Variants in CYP2U1 observed in about 807,000 individuals in gnomAD.
CYP2U1 encodes cytochrome P450 2U1.
CYP2U1 carries 28 observed loss-of-function variants against 42.8 expected under a neutral mutation model. The ratio of observed to expected loss-of-function variants is 0.65; its 90% CI spans 0.48 to 0.90. CYP2U1 has a LOEUF of 0.90. Among genes scored for constraint, CYP2U1 ranks in the 40% least tolerant of loss-of-function variants. CYP2U1 has a pLI of 0.00. For synonymous variants in CYP2U1, 296 were observed against 278.9 expected (o/e 1.06, Z -0.61); for missense variants, 642 against 693.8 (o/e 0.93, Z 0.84).
chr4:107,932,716 C>G (rs761112769), intron 1 of CYP2U1, among the ~76,000 whole-genome samples: 4 of 152,188 alleles, frequency 2.6e-5, no homozygotes, highest in African/African-American at 9.7e-5. Flanking sequence ...AATAAAATGT[C>G]CAATCTAACC....
chr4:107,936,252 G>A (rs1733261643), intron 1 of CYP2U1: 1 of 152,210 alleles, frequency 6.6e-6, no homozygotes, highest in Admixed American at 6.5e-5. Context: ...ACTCTTAAGT[G>A]TGCTGATATG....
chr4:107,950,206 GT>G, intron 4 of CYP2U1, 38 bp from the exon 5 acceptor site: 1 of 1,540,636 alleles, frequency 6.5e-7, no homozygotes, highest in Non-Finnish European at 8.8e-7. Context: ...AGAAGGGATG[GT>G]ATTATAATCC....
At chr4:107,937,573 A>G (rs1194677480) in intron 1 of CYP2U1, 1 of 151,718 alleles carries the variant, frequency 6.6e-6, no homozygotes, top group Non-Finnish European at 1.5e-5. Context: ...CAGTTGCAAA[A>G]TCTCAGCTCA....
chr4:107,941,001 G>C (rs1031386410), intron 1 of CYP2U1: 3 of 151,508 alleles, frequency 2.0e-5, no homozygotes, highest in African/African-American at 4.9e-5. Context: ...CCAACATAAG[G>C]GTACAGAAAA....
chr4:107,931,691 G>T lies in CYP2U1; in HGVS notation c.48G>T (p.Trp16Cys). ...AGCCGCCGGCCGAGGACCCGCCCTG[G>T]CCCGCGCGCCTCCTGCGTGCGCCTC... ...PSQPPAEDPP[W>C]PARLLRAPLG... Residue 16 changes from tryptophan (W) to cysteine (C), a missense_variant, in exon 1 of 5, where the codon TGG becomes TGT. Coordinates refer to ENST00000332884, the MANE Select transcript of CYP2U1 (RefSeq NM_183075.3). 7.5e-7 allele frequency: 1 copy of T among 1,338,424 alleles called. No homozygotes were observed. Among genetic ancestry groups the T allele is most frequent in the Non-Finnish European group, 9.5e-7 (1 of 1,053,968 alleles). The allele number at this position is 1,338,424 out of a possible 1,614,324, so 82.9% of individuals were successfully genotyped here. A position where few individuals can be genotyped will look rare whatever the true frequency, so the allele number is the denominator to read the frequency against.
chr4:107,949,908 T>C (rs906795364), intron 4 of CYP2U1, among the ~76,000 whole-genome samples: 1 of 152,152 alleles, frequency 6.6e-6, no homozygotes, highest in South Asian at 2.1e-4. Context: ...GGGATTCTTA[T>C]CTGAATTTTT....
chr4:107,948,747 A>G (rs990851520), intron 3 of CYP2U1, among the ~76,000 whole-genome samples: 2 of 152,196 alleles, frequency 1.3e-5, no homozygotes, highest in Non-Finnish European at 2.9e-5. Context: ...GAGTCAGCCC[A>G]TAGTATAATG....
chr4:107,931,751 G>A lies in CYP2U1; in HGVS notation c.108G>A (p.Ala36=). The A allele has an allele frequency of 1.4e-6, 2 of 1,429,634 alleles. No homozygotes were observed. Among genetic ancestry groups the A allele is most frequent in the Non-Finnish European group, 1.8e-6 (2 of 1,101,244 alleles). 88.6% of individuals were successfully genotyped at this position (1,429,634 alleles called of 1,614,324 possible). ...GLLRLDPSGG[A]LLLCGLVALL... ...TGCGGCTGGACCCCAGCGGGGGCGC[G>A]CTGCTGCTATGCGGCCTCGTAGCGC... Residue 36 remains alanine, a synonymous_variant, in exon 1 of 5, where the codon GCG becomes GCA. Coordinates refer to ENST00000332884, the MANE Select transcript of CYP2U1 (RefSeq NM_183075.3).
At chr4:107,940,085 CT>C (rs375033950) in intron 1 of CYP2U1, 276 of 142,260 alleles carry the variant, frequency 1.9e-3, no homozygotes, top group Middle Eastern at 3.8e-3. Context: ...CTTTTTTTTC[CT>C]TTTTTTTTTT....
chr4:107,937,507 C>T (rs1733315399), intron 1 of CYP2U1: 1 of 148,292 alleles, frequency 6.7e-6, no homozygotes, highest in Non-Finnish European at 1.5e-5. Context: ...TCTACATGTA[C>T]ATGTATTTTT....
chr4:107,931,694 C>T lies in CYP2U1; in HGVS notation c.51C>T (p.Pro17=). The stretch of plus-strand genomic sequence containing the variant: ...CGCCGGCCGAGGACCCGCCCTGGCC[C>T]GCGCGCCTCCTGCGTGCGCCTCTGG... ...SQPPAEDPPW[P]ARLLRAPLGL... The change falls in exon 1 of 5, where the codon CCC becomes CCT. Residue 17 remains proline, a synonymous_variant. Coordinates refer to ENST00000332884, the MANE Select transcript of CYP2U1 (RefSeq NM_183075.3). 4 of 1,339,306 alleles carry T rather than the reference C, an allele frequency of 3.0e-6. No homozygotes were observed. The highest frequency in any genetic ancestry group is 3.8e-6 in the Non-Finnish European group (4 of 1,054,492). 83.0% of individuals were successfully genotyped at this position (1,339,306 alleles called of 1,614,324 possible).
At chr4:107,945,719 A>G (rs1394329182) in intron 2 of CYP2U1, 114 bp downstream of exon 2, 1 of 1,348,838 alleles carries the variant, frequency 7.4e-7, no homozygotes, top group Non-Finnish European at 1.0e-6. Flanking sequence ...AGGCTGGCAA[A>G]CAAATACTTG....
Position 107,947,557 on chromosome 4 carries a change from C to G in CYP2U1, c.1288+20C>G. 1.2e-6 allele frequency: 2 copies of G among 1,613,134 alleles called. No homozygotes were observed. The highest frequency in any genetic ancestry group is 1.3e-5 in the African/African-American group (1 of 75,006). ...ACACAGGCAAGTCCAGGGTCTTCCTCTTTGAATGCCCTTGACGGAAGCAGG... is the reference window on the plus strand; with the variant it reads ...ACACAGGCAAGTCCAGGGTCTTCCTGTTTGAATGCCCTTGACGGAAGCAGG... On this transcript the variant is annotated intron_variant, in intron 3 of 4. Transcript: ENST00000332884.
chr4:107,933,504 T>A (rs1460045959), intron 1 of CYP2U1, among the ~76,000 whole-genome samples: 1 of 152,224 alleles, frequency 6.6e-6, no homozygotes, highest in Non-Finnish European at 1.5e-5. Flanking sequence ...TAAAGTATTA[T>A]GATCTTTATC....
At chr4:107,934,610 C>T (rs755996364) in intron 1 of CYP2U1, among the ~76,000 whole-genome samples, 3 of 152,182 alleles carry the variant, frequency 2.0e-5, no homozygotes, top group Non-Finnish European at 4.4e-5. Context: ...TGCCTCTGCA[C>T]TCCTTACTTG....
rs1733738455 is a variant in CYP2U1 at position 107,947,447 on chromosome 4, A to G, written c.1198A>G (p.Met400Val). The G allele has an allele frequency of 6.2e-7, 1 of 1,614,012 alleles. No individual in the cohort carries two copies. Among genetic ancestry groups the G allele is most frequent in the South Asian group, 1.1e-5 (1 of 91,084 alleles). The part of the protein sequence containing the change: ...RAPSLTDKAQ[M>V]PYTEATIMEV... The stretch of plus-strand genomic sequence containing the variant: ...TCCTTCCCTCACAGACAAGGCCCAG[A>G]TGCCCTACACAGAAGCCACCATCAT... The change falls in exon 3 of 5, where the codon ATG (methionine) becomes GTG (valine). Residue 400 changes from methionine (M) to valine (V), a missense_variant. Coordinates refer to ENST00000332884, the MANE Select transcript of CYP2U1 (RefSeq NM_183075.3).
In CYP2U1 at chr4:107,949,444, T is replaced by C. The variant is rs1733832501; in HGVS notation, c.1383T>C (p.Asp461=). ...RDPAIWEKPE[D]FYPNRFLDDQ... is the part of the protein sequence containing the mutation. ...CAGCCATTTGGGAGAAACCGGAGGA[T>C]TTCTACCCTAATCGATTTCTGGATG... Residue 461 remains aspartate, a synonymous_variant, in exon 4 of 5, where the codon GAT becomes GAC. Transcript: ENST00000332884. The C allele has an allele frequency of 6.2e-7, 1 of 1,611,476 alleles. No homozygotes were observed. Among genetic ancestry groups the C allele is most frequent in the Non-Finnish European group, 8.5e-7 (1 of 1,178,498 alleles).
chr4:107,950,481 G>T lies in CYP2U1; in HGVS notation c.*58G>T. ...ATATAAATACATATCCTTCTAAGCA[G>T]ATTCTTCCTACTGCAAAGGACAGTG... On this transcript the variant is annotated 3_prime_UTR_variant, in exon 5 of 5. Coordinates refer to ENST00000332884, the MANE Select transcript of CYP2U1 (RefSeq NM_183075.3). The T allele has an allele frequency of 6.7e-7, 1 of 1,496,622 alleles. No homozygotes were observed. Among genetic ancestry groups the T allele is most frequent in the Non-Finnish European group, 8.9e-7 (1 of 1,122,192 alleles). 92.7% of individuals were successfully genotyped at this position (1,496,622 alleles called of 1,614,324 possible). A position where few individuals can be genotyped will look rare whatever the true frequency, so the allele number is the denominator to read the frequency against.
intron 2 of CYP2U1, 36 bp downstream of exon 2, chr4:107,945,641 C>T (rs1272518697): frequency 6.6e-7 from 1 of 1,524,128 alleles, no homozygotes; most frequent in Non-Finnish European, 8.8e-7. Flanking sequence ...CATGGCAAAA[C>T]CAGGTAATTT....
Sources: gnomAD v4.1 joint callset for allele counts (sites outside exome capture counted in the v4.1 genomes callset) on GRCh38, gnomAD v4.1.1 for gene constraint, MANE v1.5 for transcripts, NCBI Gene and HGNC (gene_info 2026-07-23, HGNC 2026-07-21) for gene names.